The following SMIM14 variants were observed in gnomAD, a reference collection of about 807,000 sequenced individuals.
SMIM14 encodes the protein small integral membrane protein 14.
A neutral mutation model predicts 12.6 loss-of-function variants in SMIM14; 5 were observed. That is an observed-to-expected ratio of 0.40 (90% CI 0.21 to 0.83). The LOEUF is 0.83. Ranked by LOEUF, SMIM14 falls within the 40% of genes least tolerant of loss-of-function variation. SMIM14 has a pLI of 0.37. For synonymous variants in SMIM14, 30 were observed against 40.1 expected (o/e 0.75, Z 0.95); for missense variants, 86 against 119.1 (o/e 0.72, Z 1.29).
chr4:39,597,789 A>C (rs531209425), intron 2 of SMIM14, among the ~76,000 whole-genome samples: 2 of 152,122 alleles, frequency 1.3e-5, no homozygotes, highest in Non-Finnish European at 2.9e-5. Flanking sequence ...ACCTCACTAC[A>C]TCATGGTCCT....
At chr4:39,572,014 G>A (rs1034306755) in intron 3 of SMIM14, among the ~76,000 whole-genome samples, 13 of 151,908 alleles carry the variant, frequency 8.6e-5, no homozygotes, top group African/African-American at 2.7e-4. Flanking sequence ...GTGTTGCCCA[G>A]GGTAATCTCA....
chr4:39,572,305 T>TTTTAAAAAAA, intron 3 of SMIM14, 110 bp downstream of exon 3: 1 of 189,706 alleles, frequency 5.3e-6, no homozygotes, highest in Non-Finnish European at 1.0e-5. Flanking sequence ...TTTTTTTTGG[T>TTTTAAAAAAA]AACCACTAGA....
intron 2 of SMIM14, among the ~76,000 whole-genome samples, chr4:39,573,286 T>G (rs1712996289): frequency 6.6e-6 from 1 of 151,990 alleles, no homozygotes; most frequent in Non-Finnish European, 1.5e-5. Flanking sequence ...TCAGTAGAGA[T>G]GGGCTTTCAC....
At chr4:39,609,222 C>T (rs777212223) in intron 1 of SMIM14, among the ~76,000 whole-genome samples, 21 of 152,094 alleles carry the variant, frequency 1.4e-4, no homozygotes, top group Non-Finnish European at 2.1e-4. Context: ...CCTAGCGATC[C>T]GCCCGCCTTG....
chr4:39,629,100 C>A (rs1715813210), intron 1 of SMIM14, among the ~76,000 whole-genome samples: 1 of 151,838 alleles, frequency 6.6e-6, no homozygotes, highest in African/African-American at 2.4e-5. Flanking sequence ...CCAGGCCAGG[C>A]CTGTAATCCC....
chr4:39,598,762 G>T lies in SMIM14; in HGVS notation c.75+6309C>A, dbSNP rs1714478282. 2.0e-5 allele frequency among the ~76,000 whole-genome samples: 3 copies of T among 151,968 alleles called. No homozygotes were observed. The South Asian group carries it at 6.2e-4, about 32-fold the overall frequency. Reference sequence around the variant, plus strand: ...TTCAAAACTTGTTTACAGTTCCCTAGATCACAAGATGTCTAGACTCACCAG... The same window carrying T: ...TTCAAAACTTGTTTACAGTTCCCTATATCACAAGATGTCTAGACTCACCAG... On this transcript the variant is annotated intron_variant, in intron 2 of 4. Transcript: ENST00000295958.
At chr4:39,609,193 G>A (rs543505504) in intron 1 of SMIM14, among the ~76,000 whole-genome samples, 1 of 152,134 alleles carries the variant, frequency 6.6e-6, no homozygotes, top group South Asian at 2.1e-4. Context: ...TGTTAGCCAG[G>A]ATGGTCTCGA....
At position 39,576,857 on chromosome 4, in the gene SMIM14, G is replaced by A. The variant is rs529313235; in HGVS notation, c.76-4394C>T. On this transcript the variant is annotated intron_variant, in intron 2 of 4. Transcript: ENST00000295958. Reference sequence around the variant, plus strand: ...CTCCCAGGGAGCTGGGATTACAGGCGCCTGCCATCACGCCCGGCTAATTTT... The same window carrying A: ...CTCCCAGGGAGCTGGGATTACAGGCACCTGCCATCACGCCCGGCTAATTTT... Among the ~76,000 whole-genome samples the A allele has an allele frequency of 2.8e-3, 415 of 149,774 alleles. 2 individuals are homozygous for A. The highest frequency in any genetic ancestry group is 9.1e-3 in the African/African-American group (374 of 40,956).
chr4:39,574,182 C>T (rs1162704657), intron 2 of SMIM14, among the ~76,000 whole-genome samples: 4 of 150,908 alleles, frequency 2.7e-5, no homozygotes, highest in Admixed American at 2.6e-4. Context: ...TTAGATGGTT[C>T]AGCATGGCTC....
At chr4:39,580,988 A>G (rs1485320261) in intron 2 of SMIM14, among the ~76,000 whole-genome samples, 1 of 152,176 alleles carries the variant, frequency 6.6e-6, no homozygotes, top group Non-Finnish European at 1.5e-5. Context: ...ATTTTTTCAC[A>G]TCATTGCAAT....
intron 1 of SMIM14, among the ~76,000 whole-genome samples, chr4:39,635,331 T>C (rs1389014256): frequency 6.6e-6 from 1 of 152,190 alleles, no homozygotes; most frequent in Non-Finnish European, 1.5e-5. Flanking sequence ...TGCTGAAACA[T>C]GTAGCACCTG....
chr4:39,563,891 CTCT>C (rs1352986316), intron 3 of SMIM14, among the ~76,000 whole-genome samples: 5 of 152,080 alleles, frequency 3.3e-5, no homozygotes, highest in Admixed American at 2.0e-4. Context: ...CCTCCTCCTC[CTCT>C]TCTTCTTCCC....
chr4:39,618,408 G>C lies in SMIM14; in HGVS notation c.-35-13228C>G, dbSNP rs142544972. ...TGCACTTGAAAGCCCCAGAGTATTG[G>C]GAGGCCGAGGTGGGTGGGTCACGAG... On this transcript the variant is annotated intron_variant, in intron 1 of 4. Transcript: ENST00000295958. Among the ~76,000 whole-genome samples the C allele has an allele frequency of 8.8e-3, 1,335 of 152,126 alleles. 10 individuals carry two copies. The highest frequency in any genetic ancestry group is 0.014 in the Non-Finnish European group (954 of 67,982).
chr4:39,608,540 G>A (rs1341190779), intron 1 of SMIM14, among the ~76,000 whole-genome samples: 1 of 152,160 alleles, frequency 6.6e-6, no homozygotes, highest in Non-Finnish European at 1.5e-5. Context: ...AAATTAGCCA[G>A]ACAAAAAATA....
chr4:39,631,194 T>C (rs1294666077), intron 1 of SMIM14, among the ~76,000 whole-genome samples: 1 of 151,694 alleles, frequency 6.6e-6, no homozygotes, highest in Non-Finnish European at 1.5e-5. Context: ...TAGCCGGGCA[T>C]GGTGGCAGGT....
At chr4:39,625,282 T>A (rs562342377) in intron 1 of SMIM14, among the ~76,000 whole-genome samples, 1 of 151,562 alleles carries the variant, frequency 6.6e-6, no homozygotes, top group South Asian at 2.1e-4. Flanking sequence ...AATTGGTCAA[T>A]TAATGTTTGC....
chr4:39,592,295 G>A (rs1714145448), intron 2 of SMIM14, among the ~76,000 whole-genome samples: 2 of 147,186 alleles, frequency 1.4e-5, no homozygotes, highest in South Asian at 4.3e-4. Context: ...TTAAGACAGG[G>A]TCTCACTTTG....
intron 2 of SMIM14, among the ~76,000 whole-genome samples, chr4:39,581,188 A>T (rs1713473040): frequency 1.3e-5 from 2 of 152,110 alleles, no homozygotes. Context: ...AGTATTATTT[A>T]TATTGTGCAT....
At chr4:39,611,661 T>C (rs945529190) in intron 1 of SMIM14, among the ~76,000 whole-genome samples, 1 of 152,112 alleles carries the variant, frequency 6.6e-6, no homozygotes, top group Non-Finnish European at 1.5e-5. Flanking sequence ...AGACTCCATC[T>C]AAAAATAATA....
Sources: gnomAD v4.1 joint callset for allele counts (sites outside exome capture counted in the v4.1 genomes callset) on GRCh38, gnomAD v4.1.1 for gene constraint, MANE v1.5 for transcripts, NCBI Gene and HGNC (gene_info 2026-07-23, HGNC 2026-07-21) for gene names.